CA8: variants seen among roughly 807,000 people sequenced by gnomAD.
CA8 encodes the protein carbonic anhydrase-related protein.
CA8 carries 22 observed loss-of-function variants against 41.4 expected under a neutral mutation model. That is an observed-to-expected ratio of 0.53 (90% CI 0.38 to 0.76). CA8 has a LOEUF of 0.76. CA8 is among the 30% of genes least tolerant of loss of function. CA8 has a pLI of 0.00. For missense variants in CA8, 270 were observed against 352.8 expected, an observed-to-expected ratio of 0.77 and a Z score of 1.88; for synonymous variants, 121 against 130.6, an observed-to-expected ratio of 0.93 and a Z score of 0.50.
chr8:60,202,322 A>C (rs1038703226), intron 8 of CA8, among the ~76,000 whole-genome samples: 3 of 151,292 alleles, frequency 2.0e-5, no homozygotes, highest in African/African-American at 7.3e-5. Context: ...AACTGCTGGG[A>C]TTACAGGCAT....
chr8:60,243,996 A>G (rs956956574), intron 3 of CA8, among the ~76,000 whole-genome samples: 4 of 152,062 alleles, frequency 2.6e-5, no homozygotes, highest in Non-Finnish European at 4.4e-5. Context: ...CCTTTATTAA[A>G]CTGCCCAGTA....
chr8:60,246,139 G>A (rs1808228035), intron 3 of CA8, among the ~76,000 whole-genome samples: 1 of 152,182 alleles, frequency 6.6e-6, no homozygotes, highest in Non-Finnish European at 1.5e-5. Flanking sequence ...ACAGTCACAA[G>A]TGCCTAACAA....
chr8:60,238,893 C>T (rs926896802), intron 3 of CA8, among the ~76,000 whole-genome samples: 4 of 152,078 alleles, frequency 2.6e-5, no homozygotes, highest in African/African-American at 9.7e-5. Context: ...CCTACCTGTC[C>T]TCCTAGGCAC....
intron 8 of CA8, among the ~76,000 whole-genome samples, chr8:60,194,696 T>TG (rs1206070169): frequency 1.3e-5 from 2 of 152,188 alleles, no homozygotes; most frequent in African/African-American, 4.8e-5. Context: ...TGATGTCTGT[T>TG]GCCACCAATT....
In CA8 at chr8:60,245,530, CTAAT is replaced by C. The variant is rs372668332; in HGVS notation, c.418-13155_418-13152del. On this transcript the variant is annotated intron_variant, in intron 3 of 8. Coordinates refer to ENST00000317995, the MANE Select transcript of CA8 (RefSeq NM_004056.6). ...ATCATAAACCACATTATTTCTAGTG[CTAAT>C]TAAAGGGAATTATGCTTCGCTGAGA... is the stretch of plus-strand genomic sequence containing the variant. 3.9e-5 allele frequency among the ~76,000 whole-genome samples: 6 copies of C among 152,302 alleles called. No individual in the cohort carries two copies. In the South Asian group the frequency reaches 1.0e-3, roughly 26 times the overall value.
intron 8 of CA8, among the ~76,000 whole-genome samples, chr8:60,197,413 G>T (rs1366543759): frequency 6.6e-6 from 1 of 151,454 alleles, no homozygotes; most frequent in East Asian, 1.9e-4. Context: ...TAACATTTTT[G>T]AATCCTTACA....
chr8:60,253,424 C>A (rs1808517605), intron 3 of CA8, among the ~76,000 whole-genome samples: 2 of 151,972 alleles, frequency 1.3e-5, no homozygotes, highest in African/African-American at 4.8e-5. Flanking sequence ...AGTTTCATTT[C>A]TCAGCATCCT....
At chr8:60,228,804 G>A (rs575607724) in intron 4 of CA8, among the ~76,000 whole-genome samples, 2 of 152,202 alleles carry the variant, frequency 1.3e-5, no homozygotes, top group South Asian at 2.1e-4. Context: ...AGCTCTTAAC[G>A]ACTATTACTA....
intron 2 of CA8, among the ~76,000 whole-genome samples, chr8:60,276,182 G>A (rs1032698572): frequency 5.3e-4 from 80 of 152,240 alleles, no homozygotes; most frequent in African/African-American, 1.8e-3. Context: ...GAAAACATTC[G>A]ATCTAACACA....
intron 3 of CA8, among the ~76,000 whole-genome samples, chr8:60,236,716 T>C (rs1026512075): frequency 1.3e-5 from 2 of 152,226 alleles, no homozygotes; most frequent in Non-Finnish European, 2.9e-5. Context: ...ATCAAATGCC[T>C]TTTTATTTCA....
intron 3 of CA8, among the ~76,000 whole-genome samples, chr8:60,250,668 G>A (rs1196736294): frequency 6.6e-6 from 1 of 152,194 alleles, no homozygotes; most frequent in Admixed American, 6.5e-5. Flanking sequence ...GGAAAAGTTT[G>A]TAAGGGAAGT....
At chr8:60,232,647 G>A (rs1585882767) in intron 3 of CA8, 3 of 490,420 alleles carry the variant, frequency 6.1e-6, no homozygotes, top group Non-Finnish European at 1.1e-5. Flanking sequence ...GGGACTCACA[G>A]ACTTCACATT....
intron 2 of CA8, among the ~76,000 whole-genome samples, chr8:60,272,142 C>G (rs1436916429): frequency 6.6e-6 from 1 of 152,166 alleles, no homozygotes; most frequent in Non-Finnish European, 1.5e-5. Context: ...TCCAAGCCAT[C>G]TCTCTCCACT....
intron 2 of CA8, among the ~76,000 whole-genome samples, chr8:60,272,324 C>T (rs1440942303): frequency 6.6e-6 from 1 of 152,046 alleles, no homozygotes; most frequent in African/African-American, 2.4e-5. Context: ...CTCCCAGATC[C>T]CATCTCATTC....
chr8:60,229,177 T>C (rs990515459), intron 4 of CA8, among the ~76,000 whole-genome samples: 1 of 152,104 alleles, frequency 6.6e-6, no homozygotes, highest in Non-Finnish European at 1.5e-5. Context: ...TTTTGTTTTT[T>C]ACTTCTAACT....
intron 2 of CA8, among the ~76,000 whole-genome samples, chr8:60,267,050 C>T (rs1166737374): frequency 1.3e-5 from 2 of 152,242 alleles, no homozygotes; most frequent in African/African-American, 4.8e-5. Flanking sequence ...ACAGATTCCA[C>T]ACCTCTCTCG....
intron 8 of CA8, among the ~76,000 whole-genome samples, chr8:60,204,261 T>C (rs759793976): frequency 3.3e-5 from 5 of 152,226 alleles, no homozygotes; most frequent in African/African-American, 4.8e-5. Flanking sequence ...GTCACAGTGA[T>C]TTCCTTATGG....
chr8:60,274,921 C>T (rs989007251), intron 2 of CA8, among the ~76,000 whole-genome samples: 2 of 152,082 alleles, frequency 1.3e-5, no homozygotes, highest in African/African-American at 4.8e-5. Flanking sequence ...AAACTGAAAA[C>T]AGAAAAACAG....
At chr8:60,199,145 C>A (rs1250170425) in intron 8 of CA8, among the ~76,000 whole-genome samples, 1 of 152,000 alleles carries the variant, frequency 6.6e-6, no homozygotes, top group African/African-American at 2.4e-5. Flanking sequence ...TTACAAAAAA[C>A]TAAAAATATT....
Sources: allele counts gnomAD v4.1 joint callset (sites outside exome capture counted in the v4.1 genomes callset), GRCh38; gene constraint gnomAD v4.1.1; transcripts MANE v1.5; gene names NCBI Gene and HGNC (gene_info 2026-07-23, HGNC 2026-07-21).